Variants in EHHADH observed in about 807,000 individuals in gnomAD.
EHHADH encodes peroxisomal bifunctional enzyme.
In EHHADH, 48 loss-of-function variants were observed where a neutral mutation model predicts 64.4. The ratio of observed to expected loss-of-function variants is 0.75; its 90% confidence interval spans 0.59 to 0.95. The LOEUF (loss-of-function observed/expected upper bound fraction) is 0.95, where lower values mean the gene tolerates loss of function less well. Ranked by LOEUF, EHHADH falls within the 40% of genes least tolerant of loss-of-function variation. The pLI is 0.00. For missense variants in EHHADH, 854 were observed against 876.6 expected, an observed-to-expected ratio of 0.97 and a Z score of 0.33; for synonymous variants, 308 against 326.7, an observed-to-expected ratio of 0.94 and a Z score of 0.62.
chr3:185,248,518 C>T lies in EHHADH; in HGVS notation c.75-1G>A. ...TTTTATGTCACGGAGTAAAGTCGTACTAAAAGAAAACAAAATACATGAAGT... is the reference window on the plus strand; with the variant it reads ...TTTTATGTCACGGAGTAAAGTCGTATTAAAAGAAAACAAAATACATGAAGT... On this transcript the variant is annotated splice_acceptor_variant, in intron 1 of 6. Transcript: ENST00000231887. LOFTEE classifies it high-confidence loss of function. 6.3e-7 allele frequency: 1 copy of T among 1,596,638 alleles called. No homozygotes were observed. Among genetic ancestry groups the T allele is most frequent in the Non-Finnish European group, 8.6e-7 (1 of 1,168,074 alleles).
intron 5 of EHHADH, among the ~76,000 whole-genome samples, chr3:185,211,917 A>C (rs1465566019): frequency 1.3e-5 from 2 of 152,230 alleles, no homozygotes; most frequent in Non-Finnish European, 2.9e-5. Flanking sequence ...GAATTGTTAA[A>C]AGTGGCTAAC....
intron 2 of EHHADH, among the ~76,000 whole-genome samples, chr3:185,238,394 C>G (rs1447596991): frequency 6.6e-6 from 1 of 152,052 alleles, no homozygotes; most frequent in Non-Finnish European, 1.5e-5. Flanking sequence ...TAAGCATTCC[C>G]TTTTCTCTGC....
At chr3:185,228,280 GGA>G (rs35818610) in intron 4 of EHHADH, among the ~76,000 whole-genome samples, 40 of 95,550 alleles carry the variant, frequency 4.2e-4, no homozygotes, top group African/African-American at 1.2e-3. Flanking sequence ...ATATATATAT[GGA>G]GAGAGAGAGA....
chr3:185,251,945 A>C (rs747830129), intron 1 of EHHADH, among the ~76,000 whole-genome samples: 8 of 152,144 alleles, frequency 5.3e-5, no homozygotes, highest in Non-Finnish European at 1.0e-4. Context: ...GACTAATAGG[A>C]ATAACTAACA....
At chr3:185,246,430 A>C in intron 2 of EHHADH, 1 of 511,348 alleles carries the variant, frequency 2.0e-6, no homozygotes, top group Non-Finnish European at 3.2e-6. Flanking sequence ...AAATCATCTC[A>C]TCTCCAGATA....
At position 185,204,642 on chromosome 3, in the gene EHHADH, A is replaced by G; in HGVS notation, c.684T>C (p.Leu228=). 6.2e-7 allele frequency: 1 copy of G among 1,614,226 alleles called. No individual in the cohort carries two copies. The highest frequency in any genetic ancestry group is 2.2e-5 in the East Asian group (1 of 44,890). ...CTGCACGGACACAAGCCTCCTGTGCAAGACACCCAGGGTGCTGCCTCCGCA... is the reference window on the plus strand; with the variant it reads ...CTGCACGGACACAAGCCTCCTGTGCGAGACACCCAGGGTGCTGCCTCCGCA... ...LKMRRQHPGC[L]AQEACVRAVQ... is the part of the protein sequence containing the mutation. The change falls in exon 6 of 7, where the codon CTT becomes CTC. Residue 228 remains leucine (L), a synonymous_variant. Coordinates refer to ENST00000231887, the MANE Select transcript of EHHADH (RefSeq NM_001966.4).
intron 5 of EHHADH, among the ~76,000 whole-genome samples, chr3:185,210,939 G>A (rs374885689): frequency 7.9e-5 from 12 of 152,258 alleles, no homozygotes; most frequent in African/African-American, 2.6e-4. Flanking sequence ...TGAAAACCTC[G>A]CAGACTGCAT....
chr3:185,214,032 G>A (rs1395087338), intron 5 of EHHADH, among the ~76,000 whole-genome samples: 4 of 152,130 alleles, frequency 2.6e-5, no homozygotes, highest in Non-Finnish European at 5.9e-5. Context: ...AATGGCAAAT[G>A]TTGACAAGAT....
chr3:185,242,264 T>C (rs1719475633), intron 2 of EHHADH, among the ~76,000 whole-genome samples: 1 of 152,114 alleles, frequency 6.6e-6, no homozygotes, highest in African/African-American at 2.4e-5. Flanking sequence ...ACAAATTCAA[T>C]GCAACCCCCA....
chr3:185,212,369 A>T (rs1409851248), intron 5 of EHHADH, among the ~76,000 whole-genome samples: 2 of 152,302 alleles, frequency 1.3e-5, no homozygotes, highest in East Asian at 3.9e-4. Flanking sequence ...ACCAGGATAC[A>T]GTGTTAAGTT....
intron 2 of EHHADH, chr3:185,246,015 C>T (rs569364211): frequency 1.6e-5 from 22 of 1,367,470 alleles, no homozygotes; most frequent in Non-Finnish European, 2.2e-5. Flanking sequence ...TCTTCTAGAG[C>T]TTCATCTTTC....
intron 5 of EHHADH, among the ~76,000 whole-genome samples, chr3:185,208,533 G>A (rs1173401376): frequency 6.6e-6 from 1 of 152,186 alleles, no homozygotes; most frequent in African/African-American, 2.4e-5. Flanking sequence ...CTGAATGTTG[G>A]TGATGATGTA....
intron 4 of EHHADH, among the ~76,000 whole-genome samples, chr3:185,227,034 T>C (rs1224943302): frequency 1.3e-5 from 2 of 152,234 alleles, no homozygotes; most frequent in Non-Finnish European, 1.5e-5. Flanking sequence ...AAATTAATAA[T>C]TGCTGGATGA....
At chr3:185,203,969 G>T (rs747159715) in intron 6 of EHHADH, among the ~76,000 whole-genome samples, 1 of 151,738 alleles carries the variant, frequency 6.6e-6, no homozygotes, top group Non-Finnish European at 1.5e-5. Context: ...GCGAAGCCCT[G>T]TCTCTACTAA....
intron 1 of EHHADH, chr3:185,253,233 C>T: frequency 1.2e-5 from 1 of 85,794 alleles, no homozygotes; most frequent in South Asian, 4.1e-4. Flanking sequence ...GGACTTTTAA[C>T]ATTAAAAAAA....
Position 185,222,133 on chromosome 3 carries a change from A to G in EHHADH, c.464-3893T>C, listed in dbSNP as rs1291282242. Among the ~76,000 whole-genome samples, 4 of 152,032 alleles carry G rather than the reference A, an allele frequency of 2.6e-5. No homozygotes were observed. The East Asian group carries it at 7.8e-4, about 30-fold the overall frequency. On this transcript the variant is annotated intron_variant, in intron 4 of 6. Coordinates refer to ENST00000231887, the MANE Select transcript of EHHADH (RefSeq NM_001966.4). ...GGTGGCTCACACCTGTAATCCCAGC[A>G]CTTTGGGAGGCCAAGGCAGGAGGAT...
chr3:185,238,406 T>A (rs1308869312), intron 2 of EHHADH, among the ~76,000 whole-genome samples: 1 of 152,124 alleles, frequency 6.6e-6, no homozygotes, highest in Non-Finnish European at 1.5e-5. Flanking sequence ...TTTCTCTGCA[T>A]CCTTGCCAAC....
chr3:185,220,027 A>G (rs543369453), intron 4 of EHHADH, among the ~76,000 whole-genome samples: 1 of 152,306 alleles, frequency 6.6e-6, no homozygotes, highest in African/African-American at 2.4e-5. Flanking sequence ...GTATAAAATC[A>G]CTTTGGTAAG....
chr3:185,218,193 T>C lies in EHHADH; in HGVS notation c.511A>G (p.Lys171Glu), dbSNP rs1560013407. 6.2e-7 allele frequency: 1 copy of C among 1,607,470 alleles called. No individual in the cohort carries two copies. Residue 171 changes from lysine (K) to glutamate (E), a missense_variant, in exon 5 of 7, where the codon AAA (lysine) becomes GAA (glutamate). Transcript: ENST00000231887. Reference sequence around the variant, plus strand: ...TCAACCGGGTCTGAGTTTACAACTTTATCTAGAATGCCCAGCTTGAGTGCT... The same window carrying C: ...TCAACCGGGTCTGAGTTTACAACTTCATCTAGAATGCCCAGCTTGAGTGCT... Reference protein sequence around the residue: ...DEALKLGILDKVVNSDPVEEA... With the variant: ...DEALKLGILDEVVNSDPVEEA...
Sources: gnomAD v4.1 joint callset for allele counts (sites outside exome capture counted in the v4.1 genomes callset) on GRCh38, gnomAD v4.1.1 for gene constraint, MANE v1.5 for transcripts, NCBI Gene and HGNC (gene_info 2026-07-23, HGNC 2026-07-21) for gene names.